HUWE1: variants seen among roughly 807,000 people sequenced by gnomAD.
HUWE1 encodes the protein HECT, UBA and WWE domain containing E3 ubiquitin protein ligase 1, also known as E3 ubiquitin-protein ligase HUWE1.
In HUWE1, 18 loss-of-function variants were observed where a neutral mutation model predicts 299.4. The observed-to-expected ratio is 0.06, with a 90% CI of 0.04 to 0.09. HUWE1 has a LOEUF of 0.09. Among genes scored for constraint, HUWE1 ranks in the 10% least tolerant of loss-of-function variants. HUWE1 has a pLI of 1.00. For missense variants in HUWE1, 1,832 were observed against 3,462.3 expected, an observed-to-expected ratio of 0.53 and a Z score of 11.82; for synonymous variants, 1,317 against 1,286.1, an observed-to-expected ratio of 1.02 and a Z score of -0.51.
Position 53,554,907 on chromosome X carries a change from C to T in HUWE1, c.8220G>A (p.Met2740Ile). 2 of 1,170,476 alleles carry T rather than the reference C, an allele frequency of 1.7e-6. No individual in the cohort carries two copies. The highest frequency in any genetic ancestry group is 2.3e-6 in the Non-Finnish European group (2 of 873,468). Residue 2740 changes from methionine to isoleucine, a missense_variant, in exon 61 of 84, where the codon ATG (methionine) becomes ATA (isoleucine). Physicochemically the swap from Met to Ile is conservative, Grantham distance 10. Transcript: ENST00000262854. ...TEQNLSDGTP[M>I]PDSYPTTPSS... ...ATGGGGTTGTTGGGTAGCTGTCAGG[C>T]ATAGGCGTCCCATCTTTCTCGGAAA...
At chrX:53,650,424 A>G (rs1394220624) in intron 4 of HUWE1, among the ~76,000 whole-genome samples, 3 of 112,036 alleles carry the variant, frequency 2.7e-5, no homozygotes, top group Admixed American at 1.9e-4. Flanking sequence ...TCTGGCACAA[A>G]TATGTCTGAG....
chrX:53,600,030 G>A (rs2064738886), intron 29 of HUWE1, 88 bp downstream of exon 29: 1 of 881,160 alleles, frequency 1.1e-6, no homozygotes, highest in African/African-American at 2.0e-5. Context: ...ACTTCCTTAG[G>A]TGAAACAACA....
At chrX:53,591,722 G>A (rs2064172125) in intron 33 of HUWE1, among the ~76,000 whole-genome samples, 1 of 112,441 alleles carries the variant, frequency 8.9e-6, no homozygotes, top group Non-Finnish European at 1.9e-5. Context: ...GACTGAAAAA[G>A]GAGACAATGA....
intron 3 of HUWE1, among the ~76,000 whole-genome samples, chrX:53,666,542 G>T (rs1459049016): frequency 3.6e-5 from 4 of 111,369 alleles, no homozygotes; most frequent in Non-Finnish European, 7.5e-5. Flanking sequence ...CCTCCACATT[G>T]TTGCCAGAGC....
chrX:53,592,910 T>G (rs983668581), intron 32 of HUWE1, among the ~76,000 whole-genome samples: 1 of 111,544 alleles, frequency 9.0e-6, no homozygotes, highest in Non-Finnish European at 1.9e-5. Flanking sequence ...CATTGTTTAG[T>G]GTTGTCTTCA....
At chrX:53,551,653 G>A (rs2061769047) in intron 63 of HUWE1, among the ~76,000 whole-genome samples, 173 bp from the exon 64 acceptor site, 1 of 111,282 alleles carries the variant, frequency 9.0e-6, no homozygotes, top group South Asian at 3.8e-4. Flanking sequence ...GGGATTACAG[G>A]CATGCACCAA....
intron 23 of HUWE1, among the ~76,000 whole-genome samples, chrX:53,611,188 TAAAAA>T (rs1204862205): frequency 4.9e-5 from 3 of 60,799 alleles, no homozygotes; most frequent in South Asian, 7.1e-4. Context: ...GCTGATTTTG[TAAAAA>T]AAAAAAAAAA....
rs782686804 is a variant in HUWE1, at chrX:53,624,579, T to A, written c.1672+16A>T. ...GTTATCCCAAATTGTTATAACCAAC[T>A]ATCAACTCCACTTACCTAGGAGGAA... On this transcript the variant is annotated intron_variant, in intron 19 of 83. Coordinates refer to ENST00000262854, the MANE Select transcript of HUWE1 (RefSeq NM_031407.7). 1.2e-5 allele frequency: 13 copies of A among 1,127,037 alleles called. No homozygotes were observed. Among genetic ancestry groups the A allele is most frequent in the Non-Finnish European group, 1.3e-5 (11 of 819,453 alleles). The allele number at this position is 1,127,037 out of a possible 1,213,427, so 92.9% of individuals were successfully genotyped here.
intron 4 of HUWE1, among the ~76,000 whole-genome samples, chrX:53,651,308 C>CGT (rs782000497): frequency 9.0e-6 from 1 of 111,231 alleles, no homozygotes; most frequent in Non-Finnish European, 1.9e-5. Context: ...TGTGTCCCTA[C>CGT]GTGTGTGTGC....
At position 53,638,358 on chromosome X, in the gene HUWE1, A is replaced by C. The variant is rs1369852706; in HGVS notation, c.505-4060T>G. Among the ~76,000 whole-genome samples the C allele has an allele frequency of 3.6e-5, 4 of 112,026 alleles. No homozygotes were observed. In the East Asian group the frequency reaches 8.4e-4, roughly 23 times the overall value. On this transcript the variant is annotated intron_variant, in intron 7 of 83. Transcript: ENST00000262854. ...CCGTCTCAAAAAAACAAAAAACAAA[A>C]AAAAAATACATAAGTAACTTCTGAG...
intron 71 of HUWE1, 94 bp downstream of exon 71, chrX:53,544,935 C>T (rs1236727339): frequency 3.8e-6 from 4 of 1,041,236 alleles, no homozygotes; most frequent in African/African-American, 1.9e-5. Context: ...ACGAAAATCA[C>T]CCAGAGAAAT....
At chrX:53,642,615 C>T (rs997871115) in intron 7 of HUWE1, among the ~76,000 whole-genome samples, 2 of 112,209 alleles carry the variant, frequency 1.8e-5, no homozygotes, top group Non-Finnish European at 3.8e-5. Context: ...CTCCTATGAA[C>T]AATGTATGAG....
intron 66 of HUWE1, among the ~76,000 whole-genome samples, chrX:53,550,155 G>A (rs1263752887): frequency 1.8e-5 from 2 of 111,537 alleles, no homozygotes; most frequent in African/African-American, 6.5e-5. Flanking sequence ...TTCCAGCCCA[G>A]GTATCATCCA....
intron 3 of HUWE1, among the ~76,000 whole-genome samples, chrX:53,677,454 C>A (rs1448277015): frequency 9.1e-6 from 1 of 110,368 alleles, no homozygotes; most frequent in Non-Finnish European, 1.9e-5. Flanking sequence ...CAACATGACA[C>A]ACCTGGTAAG....
intron 56 of HUWE1, among the ~76,000 whole-genome samples, chrX:53,559,760 C>T (rs1556939069): frequency 8.9e-6 from 1 of 112,180 alleles, no homozygotes; most frequent in South Asian, 3.7e-4. Flanking sequence ...AATAAGCTCC[C>T]ACGTGCCAGG....
In HUWE1 at chrX:53,535,678, C is replaced by T. The variant is rs116821791; in HGVS notation, c.12532-177G>A. ...TCGCAACTCCCCTTATAGGGAAAGG[C>T]TTTGGGTAGGAAAGAGGAAAATACT... On this transcript the variant is annotated intron_variant, in intron 80 of 83. Transcript: ENST00000262854. Among the ~76,000 whole-genome samples, 171 of 111,781 alleles carry T rather than the reference C, an allele frequency of 1.5e-3. 2 individuals are homozygous for T. Among genetic ancestry groups the T allele is most frequent in the African/African-American group, 5.4e-3 (165 of 30,792 alleles).
At position 53,569,794 on chromosome X, in the gene HUWE1, G is replaced by A; in HGVS notation, c.6346C>T (p.Leu2116=). ...TCTGCATTCTGGGTATGTGGGAGCA[G>A]GTGGTCCAGAACAAAAGCTAGCACA... ...CSVLAFVLDH[L]LPHTQNAEDK... is the part of the protein sequence containing the mutation. Residue 2116 remains leucine, a synonymous_variant, in exon 48 of 84, where the codon CTG becomes TTG. Coordinates refer to ENST00000262854, the MANE Select transcript of HUWE1 (RefSeq NM_031407.7). 8.3e-7 allele frequency: 1 copy of A among 1,212,111 alleles called. No individual in the cohort carries two copies. The highest frequency in any genetic ancestry group is 2.2e-5 in the Admixed American group (1 of 46,106).
chrX:53,582,483 A>C (rs184404133), intron 42 of HUWE1, among the ~76,000 whole-genome samples: 1 of 112,597 alleles, frequency 8.9e-6, no homozygotes, highest in East Asian at 2.8e-4. Context: ...TTTTCTGGCA[A>C]GCAAGTTAAA....
intron 4 of HUWE1, among the ~76,000 whole-genome samples, chrX:53,651,092 T>C: frequency 9.0e-6 from 1 of 111,219 alleles, no homozygotes; most frequent in Non-Finnish European, 1.9e-5. Flanking sequence ...AAATATTAAC[T>C]ACACTGGGTT....
Sources: gnomAD v4.1 joint callset for allele counts (sites outside exome capture counted in the v4.1 genomes callset) on GRCh38, gnomAD v4.1.1 for gene constraint, MANE v1.5 for transcripts, NCBI Gene and HGNC (gene_info 2026-07-23, HGNC 2026-07-21) for gene names.